The following CPE variants were observed in gnomAD, a reference collection of about 807,000 sequenced individuals.
CPE encodes the protein carbocypeptidase E.
Under a neutral mutation model 53.5 loss-of-function variants are expected in CPE, and 17 were observed. The observed-to-expected ratio is 0.32, with a 90% CI of 0.22 to 0.48. The LOEUF is 0.48. CPE is among the 20% of genes least tolerant of loss of function. CPE has a pLI of 0.99. For missense variants in CPE, 524 were observed against 614.7 expected, an observed-to-expected ratio of 0.85 and a Z score of 1.56; for synonymous variants, 226 against 228.8, an observed-to-expected ratio of 0.99 and a Z score of 0.11.
rs374454620 is a variant in CPE, at chr4:165,435,897, A to T, written c.308-28493A>T. On this transcript the variant is annotated intron_variant, in intron 1 of 8. Coordinates refer to ENST00000402744, the MANE Select transcript of CPE (RefSeq NM_001873.4). The stretch of plus-strand genomic sequence containing the variant: ...CAGTGGCCACCTTCTGGCTAAATAC[A>T]GTAGTAATTGGACACACAGTTGACC... Among the ~76,000 whole-genome samples the T allele has an allele frequency of 5.9e-5, 9 of 152,290 alleles. No homozygotes were observed. In the East Asian group the frequency reaches 1.2e-3, roughly 20 times the overall value.
intron 1 of CPE, among the ~76,000 whole-genome samples, chr4:165,392,210 T>C (rs13108004): frequency 6.8e-6 from 1 of 147,172 alleles, no homozygotes; most frequent in African/African-American, 2.5e-5. Context: ...ATAGTATATG[T>C]ATACTAGTAT....
In CPE at chr4:165,497,660, T is replaced by G. The variant is rs776031554; in HGVS notation, c.*50T>G. On this transcript the variant is annotated 3_prime_UTR_variant, in exon 9 of 9. Transcript: ENST00000402744. The stretch of plus-strand genomic sequence containing the variant: ...AATCTATCTATATAATGTAGTATGA[T>G]GTAATGTGGTCTTTTTTTTAGATTT... The G allele has an allele frequency of 6.0e-6, 6 of 998,518 alleles. No homozygotes were observed. The Admixed American group carries it at 1.8e-4, about 30-fold the overall frequency. The allele number at this position is 998,518 out of a possible 1,614,324, so 61.9% of individuals were successfully genotyped here. A position where few individuals can be genotyped will look rare whatever the true frequency, so the allele number is the denominator to read the frequency against.
chr4:165,386,126 C>A, intron 1 of CPE: 1 of 423,844 alleles, frequency 2.4e-6, no homozygotes, highest in South Asian at 1.9e-5. Context: ...AAATTCATCA[C>A]CTATGAAATG....
chr4:165,431,267 G>T (rs544560349), intron 1 of CPE, among the ~76,000 whole-genome samples: 33 of 152,256 alleles, frequency 2.2e-4, no homozygotes, highest in African/African-American at 7.2e-4. Flanking sequence ...TGCCACCTGG[G>T]TTAGCCTGGC....
chr4:165,409,325 T>TC (rs1179180945), intron 1 of CPE, among the ~76,000 whole-genome samples: 6 of 152,124 alleles, frequency 3.9e-5, no homozygotes, highest in African/African-American at 1.4e-4. Flanking sequence ...TGTCTCAGCC[T>TC]CCCCAATAGC....
At chr4:165,407,545 AT>A (rs770978671) in intron 1 of CPE, among the ~76,000 whole-genome samples, 15 of 146,322 alleles carry the variant, frequency 1.0e-4, no homozygotes, top group Non-Finnish European at 1.7e-4. Context: ...CCGGGCTTCA[AT>A]TTTTTCTTTT....
Position 165,445,581 on chromosome 4 carries a change from G to T in CPE, c.308-18809G>T, listed in dbSNP as rs1381393999. Among the ~76,000 whole-genome samples, 4 of 151,976 alleles carry T rather than the reference G, an allele frequency of 2.6e-5. No individual in the cohort carries two copies. In the East Asian group the frequency reaches 7.7e-4, roughly 29 times the overall value. Reference sequence around the variant, plus strand: ...GTTCTTTTCACAATTGTATAGCCAGGAATAGATTTAACAAAAAAGGTGCAA... The same window carrying T: ...GTTCTTTTCACAATTGTATAGCCAGTAATAGATTTAACAAAAAAGGTGCAA... On this transcript the variant is annotated intron_variant, in intron 1 of 8. Transcript: ENST00000402744.
intron 3 of CPE, among the ~76,000 whole-genome samples, chr4:165,480,562 C>T (rs1732387361): frequency 6.6e-6 from 1 of 152,204 alleles, no homozygotes; most frequent in Admixed American, 6.5e-5. Flanking sequence ...TGAGTGGCCT[C>T]ATGCTGTTCC....
At chr4:165,460,163 G>A (rs1040964222) in intron 1 of CPE, among the ~76,000 whole-genome samples, 2 of 151,888 alleles carry the variant, frequency 1.3e-5, no homozygotes, top group Admixed American at 6.6e-5. Context: ...TAAACAGGAA[G>A]GCAAACGTCA....
At chr4:165,387,553 G>C (rs112885037) in intron 1 of CPE, among the ~76,000 whole-genome samples, 3 of 152,070 alleles carry the variant, frequency 2.0e-5, no homozygotes, top group Non-Finnish European at 4.4e-5. Context: ...TCTCACACCT[G>C]TAATCCTAGC....
Position 165,379,194 on chromosome 4 carries a change from G to A in CPE, c.-28G>A. 8.2e-7 allele frequency: 1 copy of A among 1,223,592 alleles called. No homozygotes were observed. Among genetic ancestry groups the A allele is most frequent in the Non-Finnish European group, 1.0e-6 (1 of 984,418 alleles). 75.8% of individuals were successfully genotyped at this position (1,223,592 alleles called of 1,614,324 possible). On this transcript the variant is annotated 5_prime_UTR_variant, in exon 1 of 9. Transcript: ENST00000402744. This position sits in a 1 kb window ranked among gnomAD's most constrained non-coding sequence, Gnocchi z 6.0. ...CAAAAGAGGCCGCCCGCGTAGGAAGGCACGGCCGGCGGCGGCGGAGCGCAG... is the reference window on the plus strand; with the variant it reads ...CAAAAGAGGCCGCCCGCGTAGGAAGACACGGCCGGCGGCGGCGGAGCGCAG...
chr4:165,386,157 TGAG>T, intron 1 of CPE: 1 of 477,582 alleles, frequency 2.1e-6, no homozygotes, highest in South Asian at 1.6e-5. Context: ...GATGATTAAA[TGAG>T]GTGGTAAATA....
intron 1 of CPE, among the ~76,000 whole-genome samples, chr4:165,453,631 C>A (rs1355599754): frequency 6.6e-6 from 1 of 152,112 alleles, no homozygotes; most frequent in Admixed American, 6.6e-5. Context: ...GTGATCCTCC[C>A]GCCTTGGTTT....
chr4:165,419,924 T>G (rs1256064256), intron 1 of CPE, among the ~76,000 whole-genome samples: 1 of 152,216 alleles, frequency 6.6e-6, no homozygotes, highest in African/African-American at 2.4e-5. Context: ...TGAACCAAAC[T>G]TCTTCACTGG....
intron 1 of CPE, among the ~76,000 whole-genome samples, chr4:165,413,423 T>C (rs1866222): frequency 0.29 from 43,662 of 152,092 alleles, 6,420 homozygotes; most frequent in Middle Eastern, 0.4. Flanking sequence ...TACATGTAAT[T>C]AATTAGCAGG....
intron 1 of CPE, among the ~76,000 whole-genome samples, chr4:165,390,674 G>A (rs905695598): frequency 6.6e-6 from 1 of 152,058 alleles, no homozygotes; most frequent in Non-Finnish European, 1.5e-5. Context: ...GTGTAGCATT[G>A]GGATTAGTAG....
chr4:165,459,203 A>G (rs956358183), intron 1 of CPE, among the ~76,000 whole-genome samples: 14 of 152,358 alleles, frequency 9.2e-5, no homozygotes, highest in African/African-American at 3.4e-4. Context: ...TAAGAGTTAC[A>G]AGTCTGGACT....
At chr4:165,434,677 G>A (rs1731466589) in intron 1 of CPE, among the ~76,000 whole-genome samples, 1 of 152,160 alleles carries the variant, frequency 6.6e-6, no homozygotes, top group African/African-American at 2.4e-5. Context: ...CTGGAAGTAA[G>A]AAAGAGGGAA....
intron 5 of CPE, among the ~76,000 whole-genome samples, chr4:165,485,550 T>C (rs1732493088): frequency 6.6e-6 from 1 of 152,162 alleles, no homozygotes; most frequent in South Asian, 2.1e-4. Context: ...GCTTCAGAAA[T>C]ATGATCTATG....
Sources: gnomAD v4.1 joint callset for allele counts (sites outside exome capture counted in the v4.1 genomes callset) on GRCh38, gnomAD v4.1.1 for gene constraint, Gnocchi (gnomAD v3.1) non-coding constraint, MANE v1.5 for transcripts, NCBI Gene and HGNC (gene_info 2026-07-23, HGNC 2026-07-21) for gene names.